ACOXL: variants seen among roughly 807,000 people sequenced by gnomAD.
ACOXL encodes the protein acyl-CoA oxidase like, also known as acyl-coenzyme A oxidase-like protein.
Under a neutral mutation model 71.9 loss-of-function variants are expected in ACOXL, and 70 were observed. The ratio of observed to expected loss-of-function variants is 0.97; its 90% CI spans 0.80 to 1.19. The LOEUF (loss-of-function observed/expected upper bound fraction) is 1.19, where lower values mean the gene tolerates loss of function less well. Among genes scored for constraint, ACOXL ranks in the 50% most tolerant of loss-of-function variants. ACOXL has a pLI of 0.00. For missense variants in ACOXL, 703 were observed against 736.3 expected (o/e 0.95, Z 0.52); for synonymous variants, 253 against 281.6 (o/e 0.90, Z 1.02).
chr2:110,796,569 A>G (rs989847529), intron 5 of ACOXL, among the ~76,000 whole-genome samples: 7 of 152,178 alleles, frequency 4.6e-5, no homozygotes, highest in African/African-American at 1.7e-4. Context: ...TCCCTTCCCC[A>G]CCCCACCAGA....
chr2:110,876,483 C>A (rs1290924653), intron 10 of ACOXL, among the ~76,000 whole-genome samples: 1 of 152,102 alleles, frequency 6.6e-6, no homozygotes, highest in South Asian at 2.1e-4. Flanking sequence ...GCTGGGCAGA[C>A]GGGCCAGGCC....
At chr2:111,021,325 G>A (rs1371219) in intron 14 of ACOXL, among the ~76,000 whole-genome samples, 144,260 of 152,280 alleles carry the variant, frequency 0.95, 68,422 homozygotes, top group East Asian at 1. Context: ...CTTTCTCCGT[G>A]GGAAACAAGC....
intron 17 of ACOXL, among the ~76,000 whole-genome samples, chr2:111,096,346 C>T (rs2068800463): frequency 2.0e-5 from 3 of 151,734 alleles, no homozygotes; most frequent in Non-Finnish European, 1.5e-5. Context: ...CCATTCAAGC[C>T]ATTCTCCTGC....
Position 111,053,814 on chromosome 2 carries a change from C to T in ACOXL, c.1440+4526C>T, listed in dbSNP as rs755905569. Among the ~76,000 whole-genome samples the T allele has an allele frequency of 1.8e-4, 27 of 152,340 alleles. No individual in the cohort carries two copies. In the East Asian group the frequency reaches 5.0e-3, roughly 28 times the overall value. On this transcript the variant is annotated intron_variant, in intron 16 of 17. Transcript: ENST00000439055. ...AGGGGCCTCCATGGGACTAAAACTT[C>T]CTGAAGCCATCGCCTGCAGAGCCTC...
At chr2:110,991,509 A>G (rs2149573055) in intron 13 of ACOXL, among the ~76,000 whole-genome samples, 1 of 152,020 alleles carries the variant, frequency 6.6e-6, no homozygotes, top group African/African-American at 2.4e-5. Flanking sequence ...ATTTTTTTGA[A>G]TGAGATTATT....
At chr2:111,068,229 A>G (rs1022952119) in intron 16 of ACOXL, among the ~76,000 whole-genome samples, 1 of 152,200 alleles carries the variant, frequency 6.6e-6, no homozygotes, top group Non-Finnish European at 1.5e-5. Context: ...GAGGAACAGC[A>G]TGTGCAGCAG....
chr2:111,034,947 T>C (rs1435372749), intron 15 of ACOXL, among the ~76,000 whole-genome samples: 2 of 150,768 alleles, frequency 1.3e-5, no homozygotes, highest in African/African-American at 4.9e-5. Context: ...TGACGGAGTC[T>C]CGCTCTGTCG....
intron 12 of ACOXL, among the ~76,000 whole-genome samples, chr2:110,945,857 A>G (rs1442178097): frequency 6.6e-6 from 1 of 150,736 alleles, no homozygotes; most frequent in Non-Finnish European, 1.5e-5. Context: ...ATTTTAAACT[A>G]GTTTTTTTTT....
chr2:111,110,586 A>G (rs1031095686), intron 17 of ACOXL, among the ~76,000 whole-genome samples: 7 of 152,056 alleles, frequency 4.6e-5, no homozygotes. Context: ...CATTTTTCTC[A>G]TCCCTTCAAA....
intron 13 of ACOXL, among the ~76,000 whole-genome samples, chr2:110,988,998 G>T (rs1476737689): frequency 1.3e-5 from 2 of 151,710 alleles, no homozygotes; most frequent in East Asian, 3.9e-4. Flanking sequence ...TTTATCGTGT[G>T]TTTTGATTGA....
intron 11 of ACOXL, among the ~76,000 whole-genome samples, chr2:110,932,150 A>C (rs1210768568): frequency 6.6e-6 from 1 of 152,246 alleles, no homozygotes; most frequent in Non-Finnish European, 1.5e-5. Context: ...TCAAAACAGC[A>C]TGCTGATTGA....
chr2:110,769,706 A>G (rs1235724505), intron 2 of ACOXL, among the ~76,000 whole-genome samples: 1 of 151,890 alleles, frequency 6.6e-6, no homozygotes, highest in African/African-American at 2.4e-5. Flanking sequence ...GTGGTGGTGC[A>G]CGCCTGTAGT....
chr2:110,873,328 G>A, intron 10 of ACOXL, among the ~76,000 whole-genome samples: 1 of 152,110 alleles, frequency 6.6e-6, no homozygotes, highest in East Asian at 1.9e-4. Flanking sequence ...AGGCTCGGTG[G>A]CAGCCAGAAG....
At chr2:110,733,793 C>T (rs543249036) in intron 1 of ACOXL, among the ~76,000 whole-genome samples, 33 of 152,194 alleles carry the variant, frequency 2.2e-4, no homozygotes, top group Non-Finnish European at 4.1e-4. Context: ...GCCGACTTCT[C>T]TTTCCCTCTC....
intron 9 of ACOXL, among the ~76,000 whole-genome samples, chr2:110,823,900 A>T (rs571057799): frequency 6.6e-6 from 1 of 152,170 alleles, no homozygotes; most frequent in Non-Finnish European, 1.5e-5. Flanking sequence ...TTTTGCAGAG[A>T]TTTTCTTCCA....
At chr2:110,837,083 G>A (rs556202557) in intron 9 of ACOXL, among the ~76,000 whole-genome samples, 1 of 152,330 alleles carries the variant, frequency 6.6e-6, no homozygotes, top group Admixed American at 6.5e-5. Flanking sequence ...GGCCTCCTCT[G>A]TGAAAAGACC....
intron 16 of ACOXL, among the ~76,000 whole-genome samples, chr2:111,055,094 A>T (rs1263301189): frequency 6.6e-6 from 1 of 151,836 alleles, no homozygotes; most frequent in African/African-American, 2.4e-5. Flanking sequence ...CCCACCCCCA[A>T]CCTTGGTCCA....
chr2:110,862,927 C>T (rs1381035978), intron 10 of ACOXL, among the ~76,000 whole-genome samples: 2 of 152,228 alleles, frequency 1.3e-5, no homozygotes, highest in Non-Finnish European at 2.9e-5. Context: ...CCCGCAGCAG[C>T]TACCACCTTC....
chr2:110,853,941 A>T (rs1692933916), intron 10 of ACOXL, among the ~76,000 whole-genome samples: 1 of 150,158 alleles, frequency 6.7e-6, no homozygotes. Flanking sequence ...ATTTCAATTG[A>T]ATATAGATTA....
Sources: allele counts gnomAD v4.1 joint callset (sites outside exome capture counted in the v4.1 genomes callset), GRCh38; gene constraint gnomAD v4.1.1; transcripts MANE v1.5; gene names NCBI Gene and HGNC (gene_info 2026-07-23, HGNC 2026-07-21).